Variants in PARD3 observed in about 807,000 individuals in gnomAD.
The protein encoded by PARD3 is par-3 family cell polarity regulator.
A neutral mutation model predicts 155.4 loss-of-function variants in PARD3; 75 were observed. The observed-to-expected ratio is 0.48, with a 90% CI of 0.40 to 0.58. PARD3 has a LOEUF of 0.58. PARD3 is among the 20% of genes least tolerant of loss of function. The pLI is 0.00. For missense variants in PARD3, 1,642 were observed against 1,721.7 expected, an observed-to-expected ratio of 0.95 and a Z score of 0.82; for synonymous variants, 576 against 610.5, an observed-to-expected ratio of 0.94 and a Z score of 0.83.
chr10:34,111,165 G>T lies in PARD3; in HGVS notation c.*4C>A, dbSNP rs41276090. 1.4e-4 allele frequency: 216 copies of T among 1,534,872 alleles called. No homozygotes were observed. Among genetic ancestry groups the T allele is most frequent in the Non-Finnish European group, 1.9e-4 (215 of 1,140,986 alleles). ...GCGACATGAAGCATCCGTTATTTGC[G>T]TGCTCAGGAATAGAAGGGCCTCCCT... On this transcript the variant is annotated 3_prime_UTR_variant, in exon 25 of 25. Transcript: ENST00000374788.
intron 2 of PARD3, among the ~76,000 whole-genome samples, chr10:34,603,900 C>T (rs929777650): frequency 2.0e-5 from 3 of 152,126 alleles, no homozygotes; most frequent in African/African-American, 7.2e-5. Context: ...CTGTCCGACA[C>T]GCAGCCAATC....
chr10:34,633,019 G>T (rs2092333621), intron 2 of PARD3, among the ~76,000 whole-genome samples: 1 of 152,182 alleles, frequency 6.6e-6, no homozygotes, highest in Non-Finnish European at 1.5e-5. Context: ...CTGACTTGGA[G>T]GCTCAAGATT....
Position 34,382,535 on chromosome 10 carries a change from C to A in PARD3, c.1399+5G>T. ...TCCACAAAACAAAAACAGGATAGGT[C>A]GTACCTTTCTTAAGCTGGATATTAA... On this transcript the variant is annotated splice_donor_5th_base_variant and intron_variant, in intron 9 of 24. Coordinates refer to ENST00000374788, the MANE Select transcript of PARD3 (RefSeq NM_001184785.2). 6.2e-7 allele frequency: 1 copy of A among 1,610,544 alleles called. No individual in the cohort carries two copies. Among genetic ancestry groups the A allele is most frequent in the South Asian group, 1.1e-5 (1 of 90,418 alleles).
At position 34,656,829 on chromosome 10, in the gene PARD3, T is replaced by C. The variant is rs563782073; in HGVS notation, c.222+39489A>G. Among the ~76,000 whole-genome samples, 4 of 152,324 alleles carry C rather than the reference T, an allele frequency of 2.6e-5. No homozygotes were observed. In the East Asian group the frequency reaches 7.7e-4, roughly 29 times the overall value. ...CAACTCCCTGCTGTCCTCACTGCTATCTGTATTAAGGCCTTGTTAGCGCTC... is the reference window on the plus strand; with the variant it reads ...CAACTCCCTGCTGTCCTCACTGCTACCTGTATTAAGGCCTTGTTAGCGCTC... On this transcript the variant is annotated intron_variant, in intron 2 of 24. Coordinates refer to ENST00000374788, the MANE Select transcript of PARD3 (RefSeq NM_001184785.2).
chr10:34,336,641 CT>C (rs77079828), intron 17 of PARD3, among the ~76,000 whole-genome samples: 13 of 150,866 alleles, frequency 8.6e-5, no homozygotes, highest in South Asian at 2.1e-4. Flanking sequence ...AATTATTTTA[CT>C]TTTTTTTTGG....
intron 2 of PARD3, among the ~76,000 whole-genome samples, chr10:34,528,543 G>T (rs541275906): frequency 6.6e-6 from 1 of 152,210 alleles, no homozygotes; most frequent in South Asian, 2.1e-4. Context: ...GTTTTGTTTT[G>T]TTTTGTTTTG....
chr10:34,251,192 C>T (rs1954285517), intron 22 of PARD3, among the ~76,000 whole-genome samples: 1 of 152,154 alleles, frequency 6.6e-6, no homozygotes, highest in Non-Finnish European at 1.5e-5. Flanking sequence ...TCATGAAATA[C>T]AAAGGTGACA....
chr10:34,505,232 GTAAC>G (rs1162957420), intron 3 of PARD3, among the ~76,000 whole-genome samples: 2 of 152,172 alleles, frequency 1.3e-5, no homozygotes, highest in African/African-American at 4.8e-5. Context: ...TCAAGTGTAA[GTAAC>G]TATTTCTGCT....
intron 20 of PARD3, chr10:34,312,434 A>G: frequency 1.3e-6 from 2 of 1,591,468 alleles, no homozygotes; most frequent in Non-Finnish European, 1.7e-6. Flanking sequence ...GAGGAAAGCA[A>G]CAAGAATCTG....
At chr10:34,766,501 C>T (rs774464120) in intron 1 of PARD3, among the ~76,000 whole-genome samples, 27 of 151,498 alleles carry the variant, frequency 1.8e-4, no homozygotes, top group Middle Eastern at 3.4e-3. Flanking sequence ...AAAGCTGATT[C>T]GAAACTCCTG....
intron 2 of PARD3, among the ~76,000 whole-genome samples, chr10:34,558,200 T>C (rs1318553266): frequency 6.6e-6 from 1 of 152,150 alleles, no homozygotes; most frequent in Non-Finnish European, 1.5e-5. Flanking sequence ...ATATTCCCCA[T>C]TGCAGCAACC....
At chr10:34,496,252 A>C (rs1169312554) in intron 3 of PARD3, among the ~76,000 whole-genome samples, 7 of 152,092 alleles carry the variant, frequency 4.6e-5, no homozygotes, top group Admixed American at 4.6e-4. Flanking sequence ...CAAAACTGAT[A>C]AAGAAACAGA....
chr10:34,505,620 C>A (rs2081010191), intron 3 of PARD3, among the ~76,000 whole-genome samples: 1 of 152,168 alleles, frequency 6.6e-6, no homozygotes, highest in African/African-American at 2.4e-5. Flanking sequence ...AACAGGCAAG[C>A]CTTTCCAGAT....
rs765746434 is a variant in PARD3, at chr10:34,784,131, A to T, written c.120+30745T>A. ...GAGGCTGAGGCAGGAGGATTGCTAG[A>T]GCTGGGGTGGTGGAGGCTGCAGTGA... On this transcript the variant is annotated intron_variant, in intron 1 of 24. Coordinates refer to ENST00000374788, the MANE Select transcript of PARD3 (RefSeq NM_001184785.2). 4.9e-4 allele frequency among the ~76,000 whole-genome samples: 75 copies of T among 152,218 alleles called. 2 individuals are homozygous for T. Among genetic ancestry groups the T allele is most frequent in the Non-Finnish European group, 6.2e-4 (42 of 67,996 alleles).
At chr10:34,257,556 A>G (rs1464011752) in intron 22 of PARD3, among the ~76,000 whole-genome samples, 2 of 152,198 alleles carry the variant, frequency 1.3e-5, no homozygotes, top group African/African-American at 4.8e-5. Context: ...CTCTTTAAAG[A>G]CCTAAAAGTT....
chr10:34,667,953 A>C (rs1168402001), intron 2 of PARD3, among the ~76,000 whole-genome samples: 3 of 152,222 alleles, frequency 2.0e-5, no homozygotes, highest in Admixed American at 1.3e-4. Flanking sequence ...ATGTTCTTAA[A>C]CTAGGGGAAG....
At chr10:34,553,804 G>A (rs908285817) in intron 2 of PARD3, among the ~76,000 whole-genome samples, 2 of 152,172 alleles carry the variant, frequency 1.3e-5, no homozygotes, top group African/African-American at 4.8e-5. Context: ...AGAGGTCTAA[G>A]ACACTTAACC....
intron 1 of PARD3, among the ~76,000 whole-genome samples, chr10:34,699,479 T>C (rs1364732638): frequency 6.6e-6 from 1 of 152,240 alleles, no homozygotes; most frequent in Non-Finnish European, 1.5e-5. Flanking sequence ...GCAGCTTTCA[T>C]ACCATAATTC....
intron 2 of PARD3, among the ~76,000 whole-genome samples, chr10:34,552,244 A>G (rs1358930869): frequency 2.0e-5 from 3 of 152,198 alleles, no homozygotes; most frequent in Non-Finnish European, 4.4e-5. Flanking sequence ...AGTAGCTAGG[A>G]CTACAGGCAT....
Sources: allele counts gnomAD v4.1 joint callset (sites outside exome capture counted in the v4.1 genomes callset), GRCh38; gene constraint gnomAD v4.1.1; transcripts MANE v1.5; gene names NCBI Gene and HGNC (gene_info 2026-07-23, HGNC 2026-07-21).